Variants in SEMA6D observed in about 807,000 individuals in gnomAD.
The protein encoded by SEMA6D is semaphorin-6D.
Under a neutral mutation model 106.6 loss-of-function variants are expected in SEMA6D, and 35 were observed. That is an observed-to-expected ratio of 0.33 (90% CI 0.25 to 0.44). The LOEUF (loss-of-function observed/expected upper bound fraction) is 0.44, where lower values mean the gene tolerates loss of function less well. Ranked by LOEUF, SEMA6D falls within the 20% of genes least tolerant of loss-of-function variation. The pLI, the probability that SEMA6D is intolerant of heterozygous loss-of-function variation, is 1.00. For missense variants in SEMA6D, 1,185 were observed against 1,345.9 expected (o/e 0.88, Z 1.87); for synonymous variants, 499 against 487.7 (o/e 1.02, Z -0.31).
At chr15:47,402,685 A>G (rs1305273051) in intron 1 of SEMA6D, among the ~76,000 whole-genome samples, 1 of 149,024 alleles carries the variant, frequency 6.7e-6, no homozygotes, top group Non-Finnish European at 1.5e-5. Flanking sequence ...TTGCATTATT[A>G]TACTGTCATT....
intron 3 of SEMA6D, among the ~76,000 whole-genome samples, chr15:47,535,835 T>G (rs182316286): frequency 1.3e-5 from 2 of 152,124 alleles, no homozygotes; most frequent in African/African-American, 4.8e-5. Context: ...TATGCTGAAT[T>G]TGTAAATGTG....
intron 4 of SEMA6D, among the ~76,000 whole-genome samples, chr15:47,608,414 C>T (rs895943810): frequency 5.9e-5 from 9 of 152,164 alleles, no homozygotes; most frequent in African/African-American, 1.2e-4. Context: ...AATGAGCTTC[C>T]TCCTTACCTG....
chr15:47,554,413 C>T lies in SEMA6D; in HGVS notation c.-86-46452C>T, dbSNP rs1437208083. ...CAGTTCACAAGTACAGTGCTACAGA[C>T]CCAACGGTGGGCAATTTGAAAGAGG... On this transcript the variant is annotated intron_variant, in intron 3 of 19. Coordinates refer to the SEMA6D transcript ENST00000558014. Among the ~76,000 whole-genome samples the T allele has an allele frequency of 3.9e-5, 6 of 152,312 alleles. No individual in the cohort carries two copies. In the South Asian group the frequency reaches 8.3e-4, roughly 21 times the overall value.
At chr15:47,539,413 T>G (rs932266838) in intron 3 of SEMA6D, among the ~76,000 whole-genome samples, 18 of 151,386 alleles carry the variant, frequency 1.2e-4, no homozygotes, top group Non-Finnish European at 1.8e-4. Context: ...CTCAGTTTTT[T>G]TTTTTGTTTG....
chr15:47,270,212 T>C (rs956147803), intron 1 of SEMA6D, among the ~76,000 whole-genome samples: 1 of 148,868 alleles, frequency 6.7e-6, no homozygotes, highest in Non-Finnish European at 1.5e-5. Context: ...TGTATGTATA[T>C]GTATATATGT....
At chr15:47,370,665 T>G (rs2039236726) in intron 1 of SEMA6D, among the ~76,000 whole-genome samples, 1 of 126,928 alleles carries the variant, frequency 7.9e-6, no homozygotes, top group African/African-American at 3.2e-5. Flanking sequence ...TCCAACATGG[T>G]AAAGCGCCGT....
chr15:47,463,972 T>G (rs1192640164), intron 2 of SEMA6D, among the ~76,000 whole-genome samples: 1 of 152,148 alleles, frequency 6.6e-6, no homozygotes, highest in East Asian at 1.9e-4. Flanking sequence ...TCCCCCAGAC[T>G]CCCTCTGCCT....
chr15:47,561,905 G>A (rs900483357), intron 3 of SEMA6D, among the ~76,000 whole-genome samples: 3 of 151,846 alleles, frequency 2.0e-5, no homozygotes, highest in African/African-American at 4.8e-5. Flanking sequence ...ATGGTGCTAA[G>A]TTAAGGTGCA....
intron 1 of SEMA6D, among the ~76,000 whole-genome samples, chr15:47,254,029 C>G (rs2033659830): frequency 6.6e-6 from 1 of 151,628 alleles, no homozygotes; most frequent in Admixed American, 6.6e-5. Flanking sequence ...CAATTTCTTC[C>G]TTCAGTGTTT....
intron 4 of SEMA6D, among the ~76,000 whole-genome samples, chr15:47,608,396 C>A (rs769392911): frequency 2.0e-5 from 3 of 152,130 alleles, no homozygotes; most frequent in Non-Finnish European, 4.4e-5. Flanking sequence ...TAGACTTCAA[C>A]AGTAGAAAAT....
chr15:47,274,344 A>C (rs2142331099), intron 1 of SEMA6D: 1 of 152,288 alleles, frequency 6.6e-6, no homozygotes, highest in South Asian at 2.1e-4. Flanking sequence ...AGAAGCTTTC[A>C]TGTCTGCCAA....
chr15:47,199,812 T>C (rs1460015430), intron 1 of SEMA6D, among the ~76,000 whole-genome samples: 1 of 152,118 alleles, frequency 6.6e-6, no homozygotes, highest in African/African-American at 2.4e-5. Flanking sequence ...GTGTGTGAAC[T>C]GAGATGTCTA....
chr15:47,220,787 A>G (rs572892246), intron 1 of SEMA6D, among the ~76,000 whole-genome samples: 2 of 152,210 alleles, frequency 1.3e-5, no homozygotes, highest in Non-Finnish European at 2.9e-5. Context: ...CACTTGATGC[A>G]GGTAAAATAC....
chr15:47,322,670 A>G (rs545197062), intron 1 of SEMA6D, among the ~76,000 whole-genome samples: 10 of 152,106 alleles, frequency 6.6e-5, no homozygotes, highest in East Asian at 1.9e-4. Context: ...CTATTTTTCT[A>G]TTTCTCATTG....
chr15:47,304,011 G>A (rs1273592824), intron 1 of SEMA6D, among the ~76,000 whole-genome samples: 2 of 152,130 alleles, frequency 1.3e-5, no homozygotes, highest in African/African-American at 4.8e-5. Flanking sequence ...GATCAAATGT[G>A]GAGGGTGTTA....
At chr15:47,740,291 TG>T (rs1305076791) in intron 1 of SEMA6D, among the ~76,000 whole-genome samples, 2 of 151,978 alleles carry the variant, frequency 1.3e-5, no homozygotes, top group African/African-American at 4.8e-5. Flanking sequence ...GAGGCTGAGG[TG>T]GGCAGATCAG....
chr15:47,508,793 T>G (rs1023511553), intron 3 of SEMA6D, among the ~76,000 whole-genome samples: 1 of 152,240 alleles, frequency 6.6e-6, no homozygotes, highest in African/African-American at 2.4e-5. Context: ...TGGCTCCATT[T>G]CTTACGAGCT....
intron 1 of SEMA6D, among the ~76,000 whole-genome samples, chr15:47,204,294 C>T (rs7176566): frequency 0.42 from 63,762 of 151,856 alleles, 14,133 homozygotes; most frequent in African/African-American, 0.54. Context: ...CTGTGAGGTA[C>T]ATAAATGTCT....
chr15:47,613,122 G>A (rs1275931753), intron 4 of SEMA6D, among the ~76,000 whole-genome samples: 2 of 151,992 alleles, frequency 1.3e-5, no homozygotes, highest in Non-Finnish European at 2.9e-5. Flanking sequence ...ACATAATTTG[G>A]AGCTAAATAA....
Sources: gnomAD v4.1 joint callset for allele counts (sites outside exome capture counted in the v4.1 genomes callset) on GRCh38, gnomAD v4.1.1 for gene constraint, MANE v1.5 for transcripts, NCBI Gene and HGNC (gene_info 2026-07-23, HGNC 2026-07-21) for gene names.